STAT3: variants seen among roughly 807,000 people sequenced by gnomAD.
STAT3 encodes the protein signal transducer and activator of transcription 3.
In STAT3, 7 loss-of-function variants were observed where a neutral mutation model predicts 114.3. The ratio of observed to expected loss-of-function variants is 0.06; its 90% CI spans 0.03 to 0.11. The LOEUF is 0.11. Among genes scored for constraint, STAT3 ranks in the 10% least tolerant of loss-of-function variants. The probability of loss-of-function intolerance (pLI) is 1.00; values close to 1 mark genes in which losing one functional copy is unlikely to be tolerated. For synonymous variants in STAT3, 331 were observed against 354.5 expected, an observed-to-expected ratio of 0.93 and a Z score of 0.74; for missense variants, 364 against 960.9, an observed-to-expected ratio of 0.38 and a Z score of 8.21.
At chr17:42,365,639 GTTTT>G (rs11440924) in intron 1 of STAT3, among the ~76,000 whole-genome samples, 2 of 139,054 alleles carry the variant, frequency 1.4e-5, no homozygotes, top group Non-Finnish European at 1.5e-5. Flanking sequence ...TGCTGTTAAA[GTTTT>G]TTTTTTTTGT....
chr17:42,381,363 T>A (rs1445426689), intron 1 of STAT3, among the ~76,000 whole-genome samples: 1 of 152,072 alleles, frequency 6.6e-6, no homozygotes, highest in Non-Finnish European at 1.5e-5. Context: ...GAAAGCCGGA[T>A]CGTCGAAGCA....
intron 23 of STAT3, chr17:42,316,277 C>T (rs2081246907): frequency 2.9e-6 from 1 of 343,508 alleles, no homozygotes; most frequent in African/African-American, 2.2e-5. Flanking sequence ...ACTCTGTCGC[C>T]CAGGCTGGAG....
At chr17:42,384,582 T>G (rs1598546035) in intron 1 of STAT3, among the ~76,000 whole-genome samples, 1 of 149,874 alleles carries the variant, frequency 6.7e-6, no homozygotes, top group Non-Finnish European at 1.5e-5. Flanking sequence ...GGAGACAGGG[T>G]CTCACTCTGT....
chr17:42,341,618 T>C (rs1344158395), intron 4 of STAT3, among the ~76,000 whole-genome samples: 1 of 152,202 alleles, frequency 6.6e-6, no homozygotes, highest in African/African-American at 2.4e-5. Flanking sequence ...TAACCAATTC[T>C]AGACACTTAA....
intron 21 of STAT3, among the ~76,000 whole-genome samples, chr17:42,321,499 C>A (rs2144670494): frequency 6.6e-6 from 1 of 152,222 alleles, no homozygotes; most frequent in South Asian, 2.1e-4. Context: ...AATAGTTGCA[C>A]ACTCTAAATA....
At chr17:42,360,014 C>T (rs2083431625) in intron 1 of STAT3, among the ~76,000 whole-genome samples, 1 of 140,974 alleles carries the variant, frequency 7.1e-6, no homozygotes, top group Non-Finnish European at 1.5e-5. Flanking sequence ...GAGCCGAGAT[C>T]GCGCCACTGC....
chr17:42,325,709 C>T (rs1162384239), intron 15 of STAT3, among the ~76,000 whole-genome samples: 3 of 152,114 alleles, frequency 2.0e-5, no homozygotes, highest in Admixed American at 1.3e-4. Flanking sequence ...GGATTATAGG[C>T]GTCCGCCACC....
intron 1 of STAT3, among the ~76,000 whole-genome samples, chr17:42,369,282 G>T (rs545298853): frequency 6.6e-6 from 1 of 152,254 alleles, no homozygotes; most frequent in East Asian, 1.9e-4. Flanking sequence ...GCTTGAACCT[G>T]GGAGGCGGAG....
chr17:42,380,757 T>C (rs1029050234), intron 1 of STAT3, among the ~76,000 whole-genome samples: 5 of 151,952 alleles, frequency 3.3e-5, no homozygotes, highest in Non-Finnish European at 7.4e-5. Context: ...TCAAAAAAAT[T>C]AGAAAATTAG....
intron 3 of STAT3, 141 bp downstream of exon 3, chr17:42,346,428 C>A: frequency 8.0e-7 from 1 of 1,243,902 alleles, no homozygotes; most frequent in Non-Finnish European, 1.1e-6. Context: ...TGAGAAAGGG[C>A]TAATTACTTC....
At chr17:42,374,307 C>T (rs897993445) in intron 1 of STAT3, 1 of 152,072 alleles carries the variant, frequency 6.6e-6, no homozygotes, top group African/African-American at 2.4e-5. Context: ...AAAAGCACAC[C>T]CATATAGAAC....
At chr17:42,360,368 G>A (rs2083453582) in intron 1 of STAT3, among the ~76,000 whole-genome samples, 1 of 151,734 alleles carries the variant, frequency 6.6e-6, no homozygotes, top group Non-Finnish European at 1.5e-5. Context: ...ATTTTGGCCA[G>A]GCTCAGTGGC....
intron 1 of STAT3, among the ~76,000 whole-genome samples, chr17:42,381,482 T>G (rs764288586): frequency 1.3e-5 from 2 of 152,014 alleles, no homozygotes; most frequent in East Asian, 3.8e-4. Flanking sequence ...TCCCAGCACT[T>G]TGGGAGGCCG....
At chr17:42,347,390 A>T (rs2082748080) in intron 2 of STAT3, among the ~76,000 whole-genome samples, 1 of 152,182 alleles carries the variant, frequency 6.6e-6, no homozygotes, top group South Asian at 2.1e-4. Flanking sequence ...AACATCTGTG[A>T]ATCACCTCCT....
rs113239619 is a variant in STAT3 at position 42,316,098 on chromosome 17, G to A, written c.2258-298C>T. ...ATCTACTGTTTAATTCAGGAGCCCC[G>A]AGACACACGTGGCCACCAAGCATTT... On this transcript the variant is annotated intron_variant, in intron 23 of 23. Transcript: ENST00000264657. The A allele has an allele frequency of 2.0e-5, 27 of 1,345,350 alleles. 1 individual carries two copies. Among genetic ancestry groups the A allele is most frequent in the Middle Eastern group, 2.8e-4 (1 of 3,518 alleles). 83.3% of individuals were successfully genotyped at this position (1,345,350 alleles called of 1,614,324 possible).
intron 4 of STAT3, among the ~76,000 whole-genome samples, chr17:42,343,220 G>A (rs2082528289): frequency 6.7e-6 from 1 of 149,892 alleles, no homozygotes; most frequent in Non-Finnish European, 1.5e-5. Context: ...GAAATGTAAT[G>A]TTATGTGTAT....
chr17:42,325,379 CT>C, intron 15 of STAT3, among the ~76,000 whole-genome samples: 1 of 152,298 alleles, frequency 6.6e-6, no homozygotes, highest in South Asian at 2.1e-4. Flanking sequence ...AGACTTGAAG[CT>C]GTATCTTCAC....
chr17:42,343,938 A>G (rs2082570928), intron 4 of STAT3, among the ~76,000 whole-genome samples: 1 of 152,142 alleles, frequency 6.6e-6, no homozygotes, highest in African/African-American at 2.4e-5. Flanking sequence ...AAATAATAAG[A>G]GTTCTGTCCC....
At chr17:42,348,162 C>T (rs2082780459) in intron 2 of STAT3, among the ~76,000 whole-genome samples, 2 of 152,144 alleles carry the variant, frequency 1.3e-5, no homozygotes, top group Admixed American at 6.6e-5. Context: ...ACATCCACCA[C>T]CATACAGGCG....
Sources: gnomAD v4.1 joint callset for allele counts (sites outside exome capture counted in the v4.1 genomes callset) on GRCh38, gnomAD v4.1.1 for gene constraint, MANE v1.5 for transcripts, NCBI Gene and HGNC (gene_info 2026-07-23, HGNC 2026-07-21) for gene names.